SMARCA2: variants seen among roughly 807,000 people sequenced by gnomAD.
The protein encoded by SMARCA2 is SWI/SNF related BAF chromatin remodeling complex subunit ATPase 2, also known as SWI/SNF-related matrix-associated actin-dependent regulator of chromatin subfamily A member 2.
In SMARCA2, 61 loss-of-function variants were observed where a neutral mutation model predicts 199.8. The observed-to-expected ratio is 0.31, with a 90% CI of 0.25 to 0.38. The LOEUF (loss-of-function observed/expected upper bound fraction) is 0.38. Among genes scored for constraint, SMARCA2 ranks in the 10% least tolerant of loss-of-function variants. The probability of loss-of-function intolerance (pLI) is 1.00; values close to 1 mark genes in which losing one functional copy is unlikely to be tolerated. For missense variants in SMARCA2, 1,344 were observed against 2,012.2 expected (o/e 0.67, Z 6.35); for synonymous variants, 935 against 732.0 (o/e 1.28, Z -4.48).
intron 27 of SMARCA2, 148 bp downstream of exon 27, chr9:2,124,085 CTGCTGTTGCATAAAGTCATTG>C: frequency 1.4e-6 from 1 of 703,854 alleles, no homozygotes; most frequent in South Asian, 1.6e-5. Context: ...TAAAGTCATT[CTGCTGTTGCATAAAGTCATTG>C]TGCTGTTGCA....
At chr9:2,166,652 A>C (rs754720835) in intron 28 of SMARCA2, among the ~76,000 whole-genome samples, 15 of 152,178 alleles carry the variant, frequency 9.9e-5, no homozygotes, top group Admixed American at 9.8e-4. Flanking sequence ...AAGTTTTTTC[A>C]TCCAAAGATT....
At chr9:2,072,617 A>G (rs1821140035) in intron 10 of SMARCA2, among the ~76,000 whole-genome samples, 2 of 152,262 alleles carry the variant, frequency 1.3e-5, no homozygotes. Flanking sequence ...CTCTGAAACC[A>G]TGACTTTGCA....
intron 21 of SMARCA2, among the ~76,000 whole-genome samples, chr9:2,098,757 G>A (rs1041467314): frequency 6.6e-6 from 1 of 152,098 alleles, no homozygotes; most frequent in Admixed American, 6.6e-5. Context: ...CCAACATGGT[G>A]AAACCCCGTC....
rs77451962 is a variant in SMARCA2, at chr9:2,104,784, A to G, written c.3292+615A>G. Among the ~76,000 whole-genome samples, 1,456 of 152,330 alleles carry G rather than the reference A, an allele frequency of 9.6e-3. 20 individuals carry two copies. Among genetic ancestry groups the G allele is most frequent in the African/African-American group, 0.033 (1,382 of 41,572 alleles). On this transcript the variant is annotated intron_variant, in intron 23 of 33. Transcript: ENST00000349721. The surrounding 1 kb of genome is among the most constrained non-coding windows in gnomAD (Gnocchi z 4.0). ...AGAAAAAATATTAATGGAAGCAAAT[A>G]TGATTTTAGGGATAATCCCTAAATT...
At chr9:2,154,284 G>A (rs1023007533) in intron 27 of SMARCA2, among the ~76,000 whole-genome samples, 10 of 152,102 alleles carry the variant, frequency 6.6e-5, no homozygotes, top group African/African-American at 2.4e-4. Context: ...GGACAATGGT[G>A]GTAGTAGTAG....
chr9:2,117,932 G>T (rs781268405), intron 25 of SMARCA2, among the ~76,000 whole-genome samples: 1 of 152,224 alleles, frequency 6.6e-6, no homozygotes, highest in African/African-American at 2.4e-5. Context: ...TGAAAGATCA[G>T]GACAACATAG....
chr9:2,032,190 GCTATTA>G (rs1819100687), intron 2 of SMARCA2, among the ~76,000 whole-genome samples: 1 of 152,192 alleles, frequency 6.6e-6, no homozygotes, highest in Non-Finnish European at 1.5e-5. Flanking sequence ...TTTGAAAATT[GCTATTA>G]CAGTTTGGGG....
intron 4 of SMARCA2, chr9:2,040,703 A>G (rs986655135): frequency 6.6e-6 from 1 of 152,270 alleles, no homozygotes; most frequent in Non-Finnish European, 1.5e-5. Context: ...TTTGTTCATA[A>G]TAGACTAACA....
intron 1 of SMARCA2, chr9:2,027,925 T>C (rs997724048): frequency 2.0e-5 from 3 of 152,282 alleles, no homozygotes; most frequent in Non-Finnish European, 4.4e-5. Flanking sequence ...GCCGGCATCA[T>C]TGATCTCTAT....
intron 23 of SMARCA2, among the ~76,000 whole-genome samples, chr9:2,105,178 C>T (rs1586710050): frequency 6.6e-6 from 1 of 152,088 alleles, no homozygotes; most frequent in East Asian, 1.9e-4. Flanking sequence ...TATGGTCTGC[C>T]TCTTAGGGTA....
intron 18 of SMARCA2, 28 bp downstream of exon 18, chr9:2,087,099 C>T: frequency 6.2e-7 from 1 of 1,613,068 alleles, no homozygotes; most frequent in African/African-American, 1.3e-5. Flanking sequence ...GTTTTTTCCA[C>T]TGCATGATAA....
intron 32 of SMARCA2, among the ~76,000 whole-genome samples, chr9:2,186,581 C>G (rs952388784): frequency 6.9e-6 from 1 of 144,978 alleles, no homozygotes; most frequent in African/African-American, 2.6e-5. Context: ...TCACTGCAAC[C>G]TCCACCTCCC....
In SMARCA2 at chr9:2,169,779, CT is replaced by C. The variant is rs1483630673; in HGVS notation, c.4200-639del. Reference sequence around the variant, plus strand: ...ACCTAGCAGTTTCAAAAATCCTCAACTGAAGAGGCTTTTCTAGAGGCTTGTA... The same window carrying C: ...ACCTAGCAGTTTCAAAAATCCTCAACGAAGAGGCTTTTCTAGAGGCTTGTA... On this transcript the variant is annotated intron_variant, in intron 28 of 33. Transcript: ENST00000349721. This position sits in a 1 kb window ranked among gnomAD's most constrained non-coding sequence, Gnocchi z 6.5. 2.0e-5 allele frequency among the ~76,000 whole-genome samples: 3 copies of C among 152,170 alleles called. No homozygotes were observed. Among genetic ancestry groups the C allele is most frequent in the Admixed American group, 6.5e-5 (1 of 15,282 alleles).
intron 19 of SMARCA2, among the ~76,000 whole-genome samples, chr9:2,092,191 A>G (rs1449035187): frequency 6.6e-6 from 1 of 152,216 alleles, no homozygotes; most frequent in Non-Finnish European, 1.5e-5. Context: ...AGAACCAACT[A>G]TACTTGCAAT....
At position 2,039,444 on chromosome 9, in the gene SMARCA2, T is replaced by A. The variant is rs1211489752; in HGVS notation, c.356-22T>A. 6.3e-6 allele frequency: 10 copies of A among 1,599,382 alleles called. No homozygotes were observed. In the Admixed American group the frequency reaches 1.7e-4, roughly 27 times the overall value. On this transcript the variant is annotated intron_variant, in intron 3 of 33. Transcript: ENST00000349721. This position sits in a 1 kb window ranked among gnomAD's most constrained non-coding sequence, Gnocchi z 4.8. ...AGGGTTGTCAGGGGCAGCCTGTGATTTCCTTTTGTGTTTTATTTTAGGTTA... is the reference window on the plus strand; with the variant it reads ...AGGGTTGTCAGGGGCAGCCTGTGATATCCTTTTGTGTTTTATTTTAGGTTA...
rs902652985 is a variant in SMARCA2, at chr9:2,193,192, T to G, written c.*453T>G. 6.3e-6 allele frequency: 1 copy of G among 158,376 alleles called. No individual in the cohort carries two copies. The highest frequency in any genetic ancestry group is 1.4e-5 in the Non-Finnish European group (1 of 72,086). 9.8% of individuals were successfully genotyped at this position (158,376 alleles called of 1,614,324 possible). A position where few individuals can be genotyped will look rare whatever the true frequency, so the allele number is the denominator to read the frequency against. On this transcript the variant is annotated 3_prime_UTR_variant, in exon 34 of 34. Transcript: ENST00000349721. The stretch of plus-strand genomic sequence containing the variant: ...TTCGAGGTTTTTATTTGTTCGGTAT[T>G]GTTTTTTTACACTGTGGTACATATA...
chr9:2,120,584 T>A (rs532654494), intron 26 of SMARCA2, among the ~76,000 whole-genome samples: 4 of 152,350 alleles, frequency 2.6e-5, no homozygotes, highest in African/African-American at 9.6e-5. Context: ...TCCACCTTTT[T>A]AGCCTAGACA....
At position 2,181,579 on chromosome 9, in the gene SMARCA2, G is replaced by A. The variant is rs1827027348; in HGVS notation, c.4262G>A (p.Arg1421Gln). 1.3e-6 allele frequency: 2 copies of A among 1,575,686 alleles called. No homozygotes were observed. Among genetic ancestry groups the A allele is most frequent in the Non-Finnish European group, 1.7e-6 (2 of 1,145,058 alleles). Reference protein sequence around the residue: ...QLEIEGNSSGRQLSEVFIQLP... With the variant: ...QLEIEGNSSGQQLSEVFIQLP... ...TTTCACCCATCCTACAGTTCAGGGC[G>A]ACAGCTCAGTGAAGTCTTCATTCAG... Residue 1421 changes from arginine to glutamine, a missense_variant, in exon 30 of 34, where the codon CGA becomes CAA. Arg to Gln is a conservative substitution (Grantham distance 43). Transcript: ENST00000349721.
chr9:2,082,113 G>A, intron 15 of SMARCA2, 118 bp downstream of exon 15: 1 of 811,556 alleles, frequency 1.2e-6, no homozygotes, highest in Non-Finnish European at 1.9e-6. Context: ...CCTAAATCCA[G>A]ATTACCAAGA....
Sources: allele counts gnomAD v4.1 joint callset (sites outside exome capture counted in the v4.1 genomes callset), GRCh38; gene constraint gnomAD v4.1.1; non-coding constraint Gnocchi (gnomAD v3.1); transcripts MANE v1.5; gene names NCBI Gene and HGNC (gene_info 2026-07-23, HGNC 2026-07-21).